Variants in GRIK1 observed in about 807,000 individuals in gnomAD.
The protein encoded by GRIK1 is glutamate receptor ionotropic, kainate 1.
Under a neutral mutation model 105.7 loss-of-function variants are expected in GRIK1, and 69 were observed. The observed-to-expected ratio is 0.65, with a 90% CI of 0.54 to 0.80. The LOEUF is 0.80. GRIK1 is among the 30% of genes least tolerant of loss of function. The pLI is 0.00. For synonymous variants in GRIK1, 438 were observed against 431.3 expected (o/e 1.02, Z -0.19); for missense variants, 1,109 against 1,167.3 (o/e 0.95, Z 0.73).
Position 29,602,940 on chromosome 21 carries a change from G to A in GRIK1, c.1099-4003C>T, listed in dbSNP as rs192163776. On this transcript the variant is annotated intron_variant, in intron 7 of 17. Transcript: ENST00000327783. ...AGAAGGTCAATATTGTAAGCAGTGTGTTGGTTAGTGGGTAGTTCTCATAGA... is the reference window on the plus strand; with the variant it reads ...AGAAGGTCAATATTGTAAGCAGTGTATTGGTTAGTGGGTAGTTCTCATAGA... 1.3e-4 allele frequency among the ~76,000 whole-genome samples: 20 copies of A among 152,212 alleles called. 1 individual carries two copies. The highest frequency in any genetic ancestry group is 9.8e-4 in the Admixed American group (15 of 15,290).
At chr21:29,772,929 A>G (rs1156558883) in intron 1 of GRIK1, among the ~76,000 whole-genome samples, 3 of 152,184 alleles carry the variant, frequency 2.0e-5, no homozygotes, top group Non-Finnish European at 2.9e-5. Context: ...TCCTCAATTA[A>G]AATTTCTAAT....
intron 7 of GRIK1, among the ~76,000 whole-genome samples, chr21:29,623,002 A>T (rs753776996): frequency 6.6e-6 from 1 of 152,180 alleles, no homozygotes; most frequent in Non-Finnish European, 1.5e-5. Flanking sequence ...AAGGTAACAA[A>T]TTGACTGCCT....
intron 1 of GRIK1, among the ~76,000 whole-genome samples, chr21:29,901,945 C>T (rs971127352): frequency 6.6e-6 from 1 of 152,134 alleles, no homozygotes; most frequent in African/African-American, 2.4e-5. Context: ...AAAGCTTATC[C>T]ACCACAATAA....
intron 11 of GRIK1, 44 bp downstream of exon 11, chr21:29,588,795 C>A (rs757321333): frequency 1.9e-6 from 2 of 1,028,180 alleles, no homozygotes; most frequent in Non-Finnish European, 3.0e-6. Context: ...CTCTTACTTT[C>A]TCTTATGCAT....
chr21:29,863,251 C>G (rs2068700194), intron 1 of GRIK1, among the ~76,000 whole-genome samples: 2 of 152,128 alleles, frequency 1.3e-5, no homozygotes, highest in Admixed American at 1.3e-4. Context: ...ATATCCGTTG[C>G]TAGAAATTCT....
At chr21:29,753,938 C>G (rs1426337096) in intron 1 of GRIK1, among the ~76,000 whole-genome samples, 1 of 152,072 alleles carries the variant, frequency 6.6e-6, no homozygotes, top group Admixed American at 6.6e-5. Context: ...ATATGGAAAT[C>G]TCTATGATCC....
At chr21:29,934,409 G>A (rs2071676903) in intron 1 of GRIK1, among the ~76,000 whole-genome samples, 1 of 152,146 alleles carries the variant, frequency 6.6e-6, no homozygotes, top group African/African-American at 2.4e-5. Flanking sequence ...CGTTAGTCAG[G>A]CACTCCCTTT....
At chr21:29,681,239 G>A (rs2063368915) in intron 3 of GRIK1, among the ~76,000 whole-genome samples, 1 of 152,244 alleles carries the variant, frequency 6.6e-6, no homozygotes, top group Non-Finnish European at 1.5e-5. Context: ...CTTAGGATGA[G>A]TAGAGACTAC....
rs1331874357 is a variant in GRIK1 at position 29,738,982 on chromosome 21, T to G, written c.119-44919A>C. On this transcript the variant is annotated intron_variant, in intron 1 of 17. Coordinates refer to ENST00000327783, the MANE Select transcript of GRIK1 (RefSeq NM_001330994.2). ...AATTAGACATTTTCTTATTTATGTATGCATTCATTTAAAATATTTATTGGC... is the reference window on the plus strand; with the variant it reads ...AATTAGACATTTTCTTATTTATGTAGGCATTCATTTAAAATATTTATTGGC... Among the ~76,000 whole-genome samples, 4 of 152,360 alleles carry G rather than the reference T, an allele frequency of 2.6e-5. No individual in the cohort carries two copies. In the South Asian group the frequency reaches 8.3e-4, roughly 32 times the overall value.
chr21:29,894,043 G>C (rs2070011448), intron 1 of GRIK1, among the ~76,000 whole-genome samples: 1 of 152,122 alleles, frequency 6.6e-6, no homozygotes, highest in Non-Finnish European at 1.5e-5. Flanking sequence ...TGTACCGCTG[G>C]TTGTAGGTTG....
intron 1 of GRIK1, among the ~76,000 whole-genome samples, chr21:29,776,477 T>C (rs2065946184): frequency 6.6e-6 from 1 of 152,322 alleles, no homozygotes; most frequent in Non-Finnish European, 1.5e-5. Flanking sequence ...TGAAGGCATA[T>C]TGCTCAATTT....
intron 1 of GRIK1, among the ~76,000 whole-genome samples, chr21:29,801,056 A>G (rs1276694234): frequency 1.3e-5 from 2 of 152,136 alleles, no homozygotes; most frequent in African/African-American, 2.4e-5. Flanking sequence ...CTCTCATTTT[A>G]CAAGTGAAGA....
intron 1 of GRIK1, among the ~76,000 whole-genome samples, chr21:29,855,350 C>A (rs1198148601): frequency 1.3e-5 from 2 of 152,150 alleles, no homozygotes; most frequent in Non-Finnish European, 2.9e-5. Context: ...AGTCTGTCTG[C>A]AACTTCAGAT....
chr21:29,864,190 T>C (rs1253965503), intron 1 of GRIK1, among the ~76,000 whole-genome samples: 1 of 152,136 alleles, frequency 6.6e-6, no homozygotes, highest in African/African-American at 2.4e-5. Context: ...CATGCTTGAT[T>C]GATAACCAGG....
intron 4 of GRIK1, among the ~76,000 whole-genome samples, chr21:29,655,524 T>C (rs2062831895): frequency 6.6e-6 from 1 of 152,198 alleles, no homozygotes; most frequent in Admixed American, 6.5e-5. Flanking sequence ...CTTAGAAATA[T>C]GTATTTCATT....
chr21:29,737,666 C>T (rs78884676), intron 1 of GRIK1, among the ~76,000 whole-genome samples: 8,979 of 152,314 alleles, frequency 0.059, 301 homozygotes, highest in African/African-American at 0.067. Flanking sequence ...AAGGCTTTGC[C>T]GGCCCATCTG....
At chr21:29,665,704 T>G (rs1374810384) in intron 4 of GRIK1, among the ~76,000 whole-genome samples, 1 of 152,244 alleles carries the variant, frequency 6.6e-6, no homozygotes, top group African/African-American at 2.4e-5. Context: ...GCTTTGATAA[T>G]TTTGTTTACA....
At chr21:29,604,097 A>T (rs1376145119) in intron 7 of GRIK1, among the ~76,000 whole-genome samples, 1 of 152,192 alleles carries the variant, frequency 6.6e-6, no homozygotes, top group African/African-American at 2.4e-5. Context: ...TCAGAAATCC[A>T]ATTTCATTCC....
chr21:29,921,796 G>T (rs1261875601), intron 1 of GRIK1, among the ~76,000 whole-genome samples: 1 of 152,072 alleles, frequency 6.6e-6, no homozygotes, highest in African/African-American at 2.4e-5. Context: ...AATAGAATTG[G>T]ACAAGGTTCT....
Sources: allele counts gnomAD v4.1 joint callset (sites outside exome capture counted in the v4.1 genomes callset), GRCh38; gene constraint gnomAD v4.1.1; transcripts MANE v1.5; gene names NCBI Gene and HGNC (gene_info 2026-07-23, HGNC 2026-07-21).